COMMD1: variants seen among roughly 807,000 people sequenced by gnomAD.
COMMD1 encodes the protein copper metabolism domain containing 1.
Under a neutral mutation model 17.2 loss-of-function variants are expected in COMMD1, and 10 were observed. The ratio of observed to expected loss-of-function variants is 0.58; its 90% confidence interval spans 0.36 to 0.99. The LOEUF is 0.99. Among genes scored for constraint, COMMD1 ranks in the 50% least tolerant of loss-of-function variants. The pLI, the probability that COMMD1 is intolerant of heterozygous loss-of-function variation, is 0.01. For missense variants in COMMD1, 270 were observed against 231.8 expected, an observed-to-expected ratio of 1.17 and a Z score of -1.07; for synonymous variants, 97 against 91.6, an observed-to-expected ratio of 1.06 and a Z score of -0.34.
At chr2:62,026,325 G>T (rs772839753) in intron 2 of COMMD1, among the ~76,000 whole-genome samples, 1 of 152,180 alleles carries the variant, frequency 6.6e-6, no homozygotes, top group Non-Finnish European at 1.5e-5. Flanking sequence ...ACTCATGGTG[G>T]AAGGCAGAGG....
intron 2 of COMMD1, among the ~76,000 whole-genome samples, chr2:62,115,291 G>A (rs562988409): frequency 6.6e-6 from 1 of 152,344 alleles, no homozygotes; most frequent in South Asian, 2.1e-4. Flanking sequence ...CTAGTCAATA[G>A]ATTAGGCACA....
intron 2 of COMMD1, among the ~76,000 whole-genome samples, chr2:62,050,799 G>T (rs1378284155): frequency 6.6e-6 from 1 of 152,116 alleles, no homozygotes; most frequent in African/African-American, 2.4e-5. Flanking sequence ...CGTGACTGAT[G>T]TTCTGAAACT....
exon 1 of COMMD1, chr2:61,888,776 G>A (rs891305027): frequency 2.4e-5 from 12 of 506,120 alleles, no homozygotes; most frequent in Non-Finnish European, 3.5e-5. Flanking sequence ...GGGCGCTGTG[G>A]GTGAAGAGCG....
chr2:62,088,854 A>C (rs1671744210), intron 2 of COMMD1, among the ~76,000 whole-genome samples: 1 of 152,244 alleles, frequency 6.6e-6, no homozygotes, highest in Non-Finnish European at 1.5e-5. Context: ...GCTTGGATTT[A>C]TGTATTTTAG....
Position 62,083,394 on chromosome 2 carries a change from C to A in COMMD1, c.463-52437C>A, listed in dbSNP as rs185376954. Among the ~76,000 whole-genome samples the A allele has an allele frequency of 2.4e-4, 36 of 152,284 alleles. No homozygotes were observed. In the East Asian group the frequency reaches 6.7e-3, roughly 29 times the overall value. On this transcript the variant is annotated intron_variant, in intron 2 of 2. Coordinates refer to ENST00000311832, the MANE Select transcript of COMMD1 (RefSeq NM_152516.4). ...CACAGATTACGTGAAAATGAATGAG[C>A]CTCTCTATATTCTGATAAAGCTTTA... is the stretch of plus-strand genomic sequence containing the variant.
chr2:61,931,200 T>TACTCA (rs1369619599), intron 1 of COMMD1, among the ~76,000 whole-genome samples: 1 of 152,072 alleles, frequency 6.6e-6, no homozygotes, highest in Non-Finnish European at 1.5e-5. Flanking sequence ...TAGTCCTAGC[T>TACTCA]ACTCAGGAGG....
At chr2:61,925,191 G>T (rs556132657) in intron 1 of COMMD1, among the ~76,000 whole-genome samples, 3 of 151,836 alleles carry the variant, frequency 2.0e-5, no homozygotes, top group African/African-American at 7.3e-5. Context: ...GAGGGAGAGA[G>T]TGGGGGAGAG....
chr2:62,063,048 C>G (rs1670914258), intron 2 of COMMD1, among the ~76,000 whole-genome samples: 1 of 151,964 alleles, frequency 6.6e-6, no homozygotes, highest in African/African-American at 2.4e-5. Flanking sequence ...GAAACCCCAT[C>G]TCTACTAAAA....
At chr2:62,078,808 C>G (rs1192424896) in intron 2 of COMMD1, among the ~76,000 whole-genome samples, 1 of 145,694 alleles carries the variant, frequency 6.9e-6, no homozygotes, top group Admixed American at 7.0e-5. Flanking sequence ...ACCCGGGAGG[C>G]GGAGGTTGCA....
intron 2 of COMMD1, among the ~76,000 whole-genome samples, chr2:62,025,600 A>G (rs1669733187): frequency 1.3e-5 from 2 of 152,224 alleles, no homozygotes; most frequent in Non-Finnish European, 2.9e-5. Context: ...ATGCTAAGTC[A>G]ATAATAAAAA....
intron 2 of COMMD1, among the ~76,000 whole-genome samples, chr2:62,073,870 G>A (rs1364210621): frequency 6.6e-6 from 1 of 152,080 alleles, no homozygotes; most frequent in African/African-American, 2.4e-5. Flanking sequence ...GCTAATTTTT[G>A]TATTTTTAGT....
At chr2:62,010,578 A>T (rs1669249890) in intron 2 of COMMD1, among the ~76,000 whole-genome samples, 1 of 152,168 alleles carries the variant, frequency 6.6e-6, no homozygotes, top group Admixed American at 6.5e-5. Flanking sequence ...CAAAAATTGA[A>T]TATGCCCAAA....
chr2:62,042,107 T>C lies in COMMD1; in HGVS notation c.462+41125T>C, dbSNP rs1231894321. On this transcript the variant is annotated intron_variant, in intron 2 of 2. Coordinates refer to ENST00000311832, the MANE Select transcript of COMMD1 (RefSeq NM_152516.4). ...CCGATTGGTCCATTTTACAGAGAGC[T>C]GATTGGTCTGTTTGACAGAGCGCTG... Among the ~76,000 whole-genome samples the C allele has an allele frequency of 2.0e-5, 3 of 152,176 alleles. No individual in the cohort carries two copies. The East Asian group carries it at 5.8e-4, about 29-fold the overall frequency.
At chr2:62,027,908 C>A (rs1476377355) in intron 2 of COMMD1, among the ~76,000 whole-genome samples, 1 of 152,114 alleles carries the variant, frequency 6.6e-6, no homozygotes, top group East Asian at 1.9e-4. Context: ...CCACCTTGAC[C>A]TCCCAAAGTG....
At chr2:62,059,308 T>C (rs1670791852) in intron 2 of COMMD1, among the ~76,000 whole-genome samples, 1 of 151,418 alleles carries the variant, frequency 6.6e-6, no homozygotes, top group Non-Finnish European at 1.5e-5. Flanking sequence ...GTGCAAGCCA[T>C]GGCACCTGGC....
At chr2:61,969,786 T>C (rs1007809644) in intron 1 of COMMD1, among the ~76,000 whole-genome samples, 10 of 152,186 alleles carry the variant, frequency 6.6e-5, no homozygotes, top group African/African-American at 2.4e-4. Flanking sequence ...ATGTCTCAGG[T>C]ATTGTAGTAT....
At chr2:62,008,102 G>A (rs1669172846) in intron 2 of COMMD1, among the ~76,000 whole-genome samples, 1 of 152,146 alleles carries the variant, frequency 6.6e-6, no homozygotes, top group Non-Finnish European at 1.5e-5. Context: ...TTGTGCCCAG[G>A]AGGTCGAGGC....
intron 1 of COMMD1, chr2:61,915,678 T>G: frequency 2.2e-6 from 1 of 453,588 alleles, no homozygotes; most frequent in South Asian, 1.6e-5. Flanking sequence ...TTATCTTTTT[T>G]TAGAGACAGA....
intron 1 of COMMD1, among the ~76,000 whole-genome samples, chr2:61,899,300 C>A (rs1229457057): frequency 2.0e-5 from 3 of 152,156 alleles, no homozygotes; most frequent in Non-Finnish European, 4.4e-5. Context: ...GAAGTTGAGA[C>A]TGAGAAAATT....
Sources: allele counts gnomAD v4.1 joint callset (sites outside exome capture counted in the v4.1 genomes callset), GRCh38; gene constraint gnomAD v4.1.1; transcripts MANE v1.5; gene names NCBI Gene and HGNC (gene_info 2026-07-23, HGNC 2026-07-21).